Variants in TMEM200A observed in about 807,000 individuals in gnomAD.
TMEM200A encodes transmembrane protein 200A, also known as two transmembrane C.
A neutral mutation model predicts 24.3 loss-of-function variants in TMEM200A; 12 were observed. The observed-to-expected ratio is 0.49, with a 90% CI of 0.32 to 0.80. TMEM200A has a LOEUF of 0.80. TMEM200A is among the 30% of genes least tolerant of loss of function. The pLI is 0.04. For missense variants in TMEM200A, 545 were observed against 614.4 expected, an observed-to-expected ratio of 0.89 and a Z score of 1.19; for synonymous variants, 224 against 224.4, an observed-to-expected ratio of 1.00 and a Z score of 0.02.
intron 1 of TMEM200A, among the ~76,000 whole-genome samples, chr6:130,382,585 G>T (rs1312070185): frequency 2.0e-5 from 3 of 152,142 alleles, no homozygotes; most frequent in Non-Finnish European, 4.4e-5. Context: ...TCTATCTTCT[G>T]TCTCTATCCT....
At chr6:130,417,202 A>T (rs1410047467) in intron 2 of TMEM200A, among the ~76,000 whole-genome samples, 1 of 152,204 alleles carries the variant, frequency 6.6e-6, no homozygotes. Flanking sequence ...TGATTGACAC[A>T]TAGTAGATGC....
intron 1 of TMEM200A, among the ~76,000 whole-genome samples, chr6:130,381,556 G>A (rs3850236): frequency 0.25 from 37,495 of 152,030 alleles, 5,685 homozygotes; most frequent in African/African-American, 0.42. Context: ...TCGGATTACA[G>A]TGCCAGAGAC....
chr6:130,366,823 A>G lies in TMEM200A; in HGVS notation c.-81+299A>G, dbSNP rs1217757110. Among the ~76,000 whole-genome samples the G allele has an allele frequency of 6.6e-6, 1 of 152,208 alleles. No homozygotes were observed. Among genetic ancestry groups the G allele is most frequent in the African/African-American group, 2.4e-5 (1 of 41,454 alleles). On this transcript the variant is annotated intron_variant, in intron 1 of 2. Transcript: ENST00000296978. The surrounding 1 kb of genome is among the most constrained non-coding windows in gnomAD (Gnocchi z 4.4). Reference sequence around the variant, plus strand: ...ACCCTCCTTTGTCTCGGTTCCTGAGAGTCAGCATTCTCTGTAATGTCCACA... The same window carrying G: ...ACCCTCCTTTGTCTCGGTTCCTGAGGGTCAGCATTCTCTGTAATGTCCACA...
chr6:130,374,280 C>A (rs1278441705), intron 1 of TMEM200A, among the ~76,000 whole-genome samples: 1 of 152,190 alleles, frequency 6.6e-6, no homozygotes, highest in Non-Finnish European at 1.5e-5. Context: ...GCACTTTTCA[C>A]TGGGGCTGTA....
intron 2 of TMEM200A, among the ~76,000 whole-genome samples, chr6:130,396,592 AT>A (rs2115121032): frequency 6.6e-6 from 1 of 152,236 alleles, no homozygotes; most frequent in African/African-American, 2.4e-5. Context: ...CCTTTAAAAA[AT>A]ATCAAAACCA....
At chr6:130,393,404 T>TC in intron 2 of TMEM200A, among the ~76,000 whole-genome samples, 1 of 152,212 alleles carries the variant, frequency 6.6e-6, no homozygotes, top group Admixed American at 6.5e-5. Flanking sequence ...AAGTAATTTT[T>TC]CAACAAATGT....
At position 130,442,898 on chromosome 6, in the gene TMEM200A, G is replaced by A. The variant is rs927770401; in HGVS notation, c.*1000G>A. ...TTTACCTTCATATGCCACTATCTCG[G>A]TAGTTCAAAAAAATTTAGTTCTTGA... is the stretch of plus-strand genomic sequence containing the variant. On this transcript the variant is annotated 3_prime_UTR_variant, in exon 3 of 3. Transcript: ENST00000296978. 6.0e-6 allele frequency: 1 copy of A among 165,506 alleles called. No homozygotes were observed. The highest frequency in any genetic ancestry group is 6.7e-5 in the Admixed American group (1 of 14,876). 10.3% of individuals were successfully genotyped at this position (165,506 alleles called of 1,614,324 possible).
At chr6:130,408,587 A>G (rs1308888626) in intron 2 of TMEM200A, among the ~76,000 whole-genome samples, 1 of 152,104 alleles carries the variant, frequency 6.6e-6, no homozygotes, top group Non-Finnish European at 1.5e-5. Flanking sequence ...GCATGAGGAA[A>G]TATCTGTGGC....
At chr6:130,419,218 G>A (rs1287539598) in intron 2 of TMEM200A, among the ~76,000 whole-genome samples, 1 of 152,124 alleles carries the variant, frequency 6.6e-6, no homozygotes, top group Non-Finnish European at 1.5e-5. Context: ...ATGACCTCCA[G>A]TCCCATTCAT....
chr6:130,427,900 A>G (rs960994508), intron 2 of TMEM200A, among the ~76,000 whole-genome samples: 1 of 152,064 alleles, frequency 6.6e-6, no homozygotes, highest in Non-Finnish European at 1.5e-5. Context: ...TTGGCTTGCT[A>G]TCTCTAACAG....
rs1174235447 is a variant in TMEM200A, at chr6:130,366,056, G to C, written c.-549G>C. On this transcript the variant is annotated 5_prime_UTR_variant, in exon 1 of 3. Transcript: ENST00000296978. This position sits in a 1 kb window ranked among gnomAD's most constrained non-coding sequence, Gnocchi z 4.4. ...AGAAAACTTTTCCCCTCCCGTTCCC[G>C]GTCCCTTTTGTCTTTCTTGGACGCG... 1.7e-5 allele frequency: 17 copies of C among 985,522 alleles called. No individual in the cohort carries two copies. Among genetic ancestry groups the C allele is most frequent in the Non-Finnish European group, 1.9e-5 (16 of 830,122 alleles). The allele number at this position is 985,522 out of a possible 1,614,324, so 61.0% of individuals were successfully genotyped here. A position where few individuals can be genotyped will look rare whatever the true frequency, so the allele number is the denominator to read the frequency against.
At chr6:130,369,614 C>CA (rs1562546549) in intron 1 of TMEM200A, among the ~76,000 whole-genome samples, 1 of 152,172 alleles carries the variant, frequency 6.6e-6, no homozygotes, top group African/African-American at 2.4e-5. Context: ...TTGACTATCA[C>CA]AGAGTAATTG....
chr6:130,415,840 A>G (rs1346777751), intron 2 of TMEM200A, among the ~76,000 whole-genome samples: 1 of 152,218 alleles, frequency 6.6e-6, no homozygotes, highest in African/African-American at 2.4e-5. Flanking sequence ...AAAATTCATT[A>G]TCTGTGTTGA....
At chr6:130,375,025 AT>A (rs1309697943) in intron 1 of TMEM200A, among the ~76,000 whole-genome samples, 1 of 152,180 alleles carries the variant, frequency 6.6e-6, no homozygotes, top group Admixed American at 6.5e-5. Flanking sequence ...GCCAATTTCA[AT>A]TTTTCCACAA....
At chr6:130,406,888 C>G (rs1562561676) in intron 2 of TMEM200A, among the ~76,000 whole-genome samples, 1 of 152,204 alleles carries the variant, frequency 6.6e-6, no homozygotes, top group African/African-American at 2.4e-5. Flanking sequence ...CTCTTGATGG[C>G]TGATCTCTCC....
At chr6:130,433,476 A>G (rs746403308) in intron 2 of TMEM200A, among the ~76,000 whole-genome samples, 10 of 152,134 alleles carry the variant, frequency 6.6e-5, no homozygotes, top group Non-Finnish European at 1.5e-4. Context: ...TTTAAACTTT[A>G]TGTGATTGAA....
At chr6:130,405,271 A>C (rs1265690166) in intron 2 of TMEM200A, among the ~76,000 whole-genome samples, 2 of 152,006 alleles carry the variant, frequency 1.3e-5, no homozygotes, top group African/African-American at 4.8e-5. Flanking sequence ...AATGATATTG[A>C]TTCTTTCTGT....
intron 2 of TMEM200A, among the ~76,000 whole-genome samples, chr6:130,404,739 C>T (rs1212673230): frequency 6.6e-6 from 1 of 152,156 alleles, no homozygotes; most frequent in Non-Finnish European, 1.5e-5. Context: ...GTCATGGAAT[C>T]TTTGCCCTTA....
intron 2 of TMEM200A, among the ~76,000 whole-genome samples, chr6:130,397,966 T>G (rs1778989658): frequency 6.6e-6 from 1 of 151,544 alleles, no homozygotes; most frequent in African/African-American, 2.4e-5. Context: ...AAACGTTTCT[T>G]TTTTCTCTCT....
Sources: gnomAD v4.1 joint callset for allele counts (sites outside exome capture counted in the v4.1 genomes callset) on GRCh38, gnomAD v4.1.1 for gene constraint, Gnocchi (gnomAD v3.1) non-coding constraint, MANE v1.5 for transcripts, NCBI Gene and HGNC (gene_info 2026-07-23, HGNC 2026-07-21) for gene names.